KHDRBS2: variants seen among roughly 807,000 people sequenced by gnomAD.
The protein encoded by KHDRBS2 is KH domain-containing, RNA-binding, signal transduction-associated protein 2.
In KHDRBS2, 26 loss-of-function variants were observed where a neutral mutation model predicts 44.3. The observed-to-expected ratio is 0.59, with a 90% CI of 0.43 to 0.81. The LOEUF (loss-of-function observed/expected upper bound fraction) is 0.81, where lower values mean the gene tolerates loss of function less well. Among genes scored for constraint, KHDRBS2 ranks in the 40% least tolerant of loss-of-function variants. KHDRBS2 has a pLI of 0.00. For synonymous variants in KHDRBS2, 194 were observed against 151.1 expected, an observed-to-expected ratio of 1.28 and a Z score of -2.08; for missense variants, 476 against 433.1, an observed-to-expected ratio of 1.10 and a Z score of -0.88.
intron 7 of KHDRBS2, among the ~76,000 whole-genome samples, chr6:61,723,316 C>T (rs974866846): frequency 6.6e-6 from 1 of 152,010 alleles, no homozygotes; most frequent in African/African-American, 2.4e-5. Flanking sequence ...CTCAAAAAGC[C>T]AGAGAGCCTC....
chr6:62,222,059 T>A (rs183230165), intron 1 of KHDRBS2, among the ~76,000 whole-genome samples: 1 of 152,156 alleles, frequency 6.6e-6, no homozygotes, highest in Non-Finnish European at 1.5e-5. Context: ...CCATACACCA[T>A]TGACCAAAGA....
At chr6:61,995,428 A>G (rs541886165) in intron 3 of KHDRBS2, among the ~76,000 whole-genome samples, 1 of 152,294 alleles carries the variant, frequency 6.6e-6, no homozygotes, top group African/African-American at 2.4e-5. Flanking sequence ...CTAGGCTTTG[A>G]AGAATGTCTG....
intron 7 of KHDRBS2, among the ~76,000 whole-genome samples, chr6:61,729,371 C>A (rs576393394): frequency 6.6e-6 from 1 of 152,048 alleles, no homozygotes; most frequent in African/African-American, 2.4e-5. Flanking sequence ...ACTGATGGTA[C>A]GAGGCTTAAT....
intron 7 of KHDRBS2, among the ~76,000 whole-genome samples, chr6:61,731,140 C>A (rs1226949054): frequency 2.6e-5 from 4 of 151,944 alleles, no homozygotes; most frequent in Admixed American, 1.3e-4. Context: ...TTTTTATGTG[C>A]TAATGTATAA....
chr6:61,993,719 G>T (rs536079308), intron 3 of KHDRBS2, among the ~76,000 whole-genome samples: 1 of 130,792 alleles, frequency 7.6e-6, no homozygotes, highest in Non-Finnish European at 1.6e-5. Context: ...GCTTGCTCCT[G>T]GTGCTAACAT....
intron 3 of KHDRBS2, among the ~76,000 whole-genome samples, chr6:62,041,112 C>A (rs1007296914): frequency 1.7e-4 from 26 of 152,032 alleles, no homozygotes; most frequent in African/African-American, 5.8e-4. Flanking sequence ...GGGCAGATCA[C>A]CTGAGGTCGG....
chr6:62,217,137 G>C (rs1830144332), intron 1 of KHDRBS2, among the ~76,000 whole-genome samples: 1 of 151,290 alleles, frequency 6.6e-6, no homozygotes, highest in Non-Finnish European at 1.5e-5. Context: ...TCAATTCAGA[G>C]AATAATGCAT....
At chr6:62,235,076 T>C (rs999680911) in intron 1 of KHDRBS2, among the ~76,000 whole-genome samples, 7 of 149,812 alleles carry the variant, frequency 4.7e-5, no homozygotes, top group African/African-American at 1.7e-4. Context: ...TAGGCTTTTT[T>C]TTTTTTTTTT....
intron 6 of KHDRBS2, among the ~76,000 whole-genome samples, chr6:61,810,560 T>G (rs771374601): frequency 6.6e-6 from 1 of 151,966 alleles, no homozygotes; most frequent in Non-Finnish European, 1.5e-5. Context: ...GTAAATAATG[T>G]AAAAATTTAA....
At chr6:61,672,678 C>G in the KHDRBS2 span, among the ~76,000 whole-genome samples, 1 of 151,996 alleles carries the variant, frequency 6.6e-6, no homozygotes, top group Non-Finnish European at 1.5e-5. Context: ...CCTTTGCCCA[C>G]TTTTTGATGG....
chr6:62,005,958 C>T (rs151177161), intron 3 of KHDRBS2, among the ~76,000 whole-genome samples: 97 of 151,586 alleles, frequency 6.4e-4, no homozygotes, highest in African/African-American at 2.1e-3. Flanking sequence ...TACAAGGAGA[C>T]GAAAAATTTG....
intron 2 of KHDRBS2, among the ~76,000 whole-genome samples, chr6:62,073,802 C>G (rs1232112998): frequency 6.6e-6 from 1 of 151,652 alleles, no homozygotes; most frequent in Non-Finnish European, 1.5e-5. Flanking sequence ...CTCCTAATAG[C>G]TCTTCACCAA....
chr6:62,065,072 A>G (rs573957258), intron 2 of KHDRBS2, among the ~76,000 whole-genome samples: 1 of 152,158 alleles, frequency 6.6e-6, no homozygotes, highest in African/African-American at 2.4e-5. Context: ...GCAAATCAAA[A>G]CCACAATGAG....
intron 2 of KHDRBS2, among the ~76,000 whole-genome samples, chr6:62,121,967 A>T (rs1355110489): frequency 1.3e-5 from 2 of 152,096 alleles, no homozygotes; most frequent in East Asian, 3.9e-4. Context: ...ACCACCAAGA[A>T]AGAGGCACAA....
rs1562293746 is a variant in KHDRBS2 at position 61,848,495 on chromosome 6, A to ATGTG, written c.810+46139_810+46140insCACA. Among the ~76,000 whole-genome samples the ATGTG allele has an allele frequency of 1.7e-3, 96 of 58,174 alleles. 8 individuals are homozygous for ATGTG. The highest frequency in any genetic ancestry group is 9.4e-3 in the African/African-American group (93 of 9,904). 38.2% of individuals were successfully genotyped at this position (58,174 alleles called of 152,430 possible). A position where few individuals can be genotyped will look rare whatever the true frequency, so the allele number is the denominator to read the frequency against. On this transcript the variant is annotated intron_variant, in intron 6 of 8. Coordinates refer to ENST00000281156, the MANE Select transcript of KHDRBS2 (RefSeq NM_152688.4). ...TATATATATATATATATATATGTAT[A>ATGTG]TATATATATATATATGTATATATGT...
chr6:61,919,842 A>T (rs1807716979), intron 4 of KHDRBS2, among the ~76,000 whole-genome samples: 1 of 151,904 alleles, frequency 6.6e-6, no homozygotes, highest in African/African-American at 2.4e-5. Flanking sequence ...GGAAGATGTA[A>T]TATCTACTAT....
At chr6:61,556,997 A>T in the KHDRBS2 span, among the ~76,000 whole-genome samples, 2 of 137,414 alleles carry the variant, frequency 1.5e-5, no homozygotes, top group African/African-American at 5.4e-5. Context: ...TAACAGTTTT[A>T]TTCATTATAG....
intron 1 of KHDRBS2, among the ~76,000 whole-genome samples, chr6:62,279,155 C>T (rs1427396642): frequency 1.3e-5 from 2 of 151,642 alleles, no homozygotes; most frequent in East Asian, 1.9e-4. Flanking sequence ...AAGCCTCAAT[C>T]CAAACAACAA....
intron 2 of KHDRBS2, among the ~76,000 whole-genome samples, chr6:62,089,493 C>G (rs894036957): frequency 2.0e-5 from 3 of 152,074 alleles, no homozygotes; most frequent in African/African-American, 7.2e-5. Flanking sequence ...GTTCCCTGAC[C>G]CCTTGCACTT....
Sources: gnomAD v4.1 joint callset for allele counts (sites outside exome capture counted in the v4.1 genomes callset) on GRCh38, gnomAD v4.1.1 for gene constraint, MANE v1.5 for transcripts, NCBI Gene and HGNC (gene_info 2026-07-23, HGNC 2026-07-21) for gene names.